PTPRD: variants seen among roughly 807,000 people sequenced by gnomAD.
The protein encoded by PTPRD is protein tyrosine phosphatase receptor type D.
Under a neutral mutation model 214.5 loss-of-function variants are expected in PTPRD, and 34 were observed. The observed-to-expected ratio is 0.16, with a 90% CI of 0.12 to 0.21. The LOEUF (loss-of-function observed/expected upper bound fraction) is 0.21. PTPRD is among the 10% of genes least tolerant of loss of function. The probability of loss-of-function intolerance (pLI) is 1.00; values close to 1 mark genes in which losing one functional copy is unlikely to be tolerated. For missense variants in PTPRD, 2,545 were observed against 2,398.7 expected, an observed-to-expected ratio of 1.06 and a Z score of -1.27; for synonymous variants, 1,128 against 845.7, an observed-to-expected ratio of 1.33 and a Z score of -5.79.
intron 9 of PTPRD, among the ~76,000 whole-genome samples, chr9:9,302,418 T>A (rs1441212971): frequency 6.6e-6 from 1 of 151,796 alleles, no homozygotes; most frequent in Non-Finnish European, 1.5e-5. Context: ...CAGCTGCATA[T>A]GCAAAACCAC....
chr9:9,750,220 A>G (rs2098503317), intron 6 of PTPRD, among the ~76,000 whole-genome samples: 2 of 152,192 alleles, frequency 1.3e-5, no homozygotes, highest in African/African-American at 2.4e-5. Flanking sequence ...TTATTCTAGC[A>G]ATTATATACT....
chr9:8,987,542 C>T (rs554139514), intron 11 of PTPRD, among the ~76,000 whole-genome samples: 2 of 152,086 alleles, frequency 1.3e-5, no homozygotes, highest in South Asian at 2.1e-4. Context: ...ACCCAATCAC[C>T]AAAATTTTTG....
intron 10 of PTPRD, among the ~76,000 whole-genome samples, chr9:9,089,637 A>G (rs904950638): frequency 1.3e-5 from 2 of 152,146 alleles, no homozygotes; most frequent in African/African-American, 4.8e-5. Context: ...TCTAAATAAA[A>G]TCCTGCTTGC....
rs533838453 is a variant in PTPRD at position 10,095,687 on chromosome 9, G to C, written c.-544-61897C>G. 9.4e-4 allele frequency among the ~76,000 whole-genome samples: 143 copies of C among 151,552 alleles called. 1 individual carries two copies. In the Middle Eastern group the frequency reaches 0.014, roughly 15 times the overall value. On this transcript the variant is annotated intron_variant, in intron 3 of 45. Transcript: ENST00000381196. The stretch of plus-strand genomic sequence containing the variant: ...TAATCTGAAACAGTTAAACTTCAAA[G>C]TCATTATGTGTTACATGATAATTAG...
At chr9:9,568,198 G>A (rs1368746967) in intron 8 of PTPRD, among the ~76,000 whole-genome samples, 1 of 151,772 alleles carries the variant, frequency 6.6e-6, no homozygotes, top group East Asian at 1.9e-4. Context: ...GTTATTTGTG[G>A]CTCAAAGCAT....
intron 11 of PTPRD, among the ~76,000 whole-genome samples, chr9:8,755,060 G>C (rs752151549): frequency 6.6e-6 from 1 of 152,104 alleles, no homozygotes; most frequent in Non-Finnish European, 1.5e-5. Flanking sequence ...ACCAGTACAT[G>C]TTGGGAAGGT....
At chr9:8,322,735 T>TA (rs1376738636) in intron 44 of PTPRD, among the ~76,000 whole-genome samples, 2 of 152,118 alleles carry the variant, frequency 1.3e-5, no homozygotes, top group African/African-American at 2.4e-5. Flanking sequence ...GTGGCTACAT[T>TA]AAAAAAGAGA....
At chr9:8,489,718 A>C (rs2097110422) in intron 27 of PTPRD, among the ~76,000 whole-genome samples, 1 of 152,222 alleles carries the variant, frequency 6.6e-6, no homozygotes. Context: ...TCAGGATAGG[A>C]TAAAAAAGGG....
intron 11 of PTPRD, among the ~76,000 whole-genome samples, chr9:8,813,661 C>T (rs900617367): frequency 1.3e-5 from 2 of 152,336 alleles, no homozygotes; most frequent in Non-Finnish European, 1.5e-5. Flanking sequence ...GTACGAGCCA[C>T]CGCGCCGGGC....
intron 9 of PTPRD, among the ~76,000 whole-genome samples, chr9:9,240,211 A>G (rs2099969676): frequency 6.6e-6 from 1 of 152,166 alleles, no homozygotes; most frequent in Non-Finnish European, 1.5e-5. Flanking sequence ...GGTATTCTGA[A>G]ACTTTAAAGT....
chr9:8,642,337 C>G (rs921604610), intron 12 of PTPRD, among the ~76,000 whole-genome samples: 2 of 152,110 alleles, frequency 1.3e-5, no homozygotes, highest in African/African-American at 2.4e-5. Flanking sequence ...TTTCTTTTAA[C>G]TGATTAACAT....
At chr9:8,732,065 C>T (rs2098665487) in intron 12 of PTPRD, among the ~76,000 whole-genome samples, 1 of 152,156 alleles carries the variant, frequency 6.6e-6, no homozygotes, top group African/African-American at 2.4e-5. Context: ...GACTACACAG[C>T]ATAAGAAGTG....
At chr9:10,600,382 G>A (rs7874590) in intron 2 of PTPRD, among the ~76,000 whole-genome samples, 3 of 151,472 alleles carry the variant, frequency 2.0e-5, no homozygotes, top group Non-Finnish European at 4.4e-5. Context: ...TGTACAATGC[G>A]TGCCACAAGC....
intron 2 of PTPRD, among the ~76,000 whole-genome samples, chr9:10,352,065 C>T (rs890847094): frequency 3.3e-5 from 5 of 151,938 alleles, no homozygotes; most frequent in East Asian, 3.9e-4. Context: ...AATAAAGTGG[C>T]TTCTTATTCA....
At chr9:10,564,287 T>C (rs2064980414) in intron 2 of PTPRD, among the ~76,000 whole-genome samples, 2 of 145,998 alleles carry the variant, frequency 1.4e-5, no homozygotes, top group Non-Finnish European at 3.0e-5. Context: ...ATTGCTGGGA[T>C]TACAGGCACG....
intron 27 of PTPRD, among the ~76,000 whole-genome samples, chr9:8,489,022 T>C (rs978710528): frequency 2.6e-5 from 4 of 152,226 alleles, no homozygotes; most frequent in Non-Finnish European, 5.9e-5. Flanking sequence ...CACGTAAAGC[T>C]AGGATAAATA....
chr9:8,896,360 A>G (rs73640961), intron 11 of PTPRD, among the ~76,000 whole-genome samples: 9,602 of 152,254 alleles, frequency 0.063, 1,012 homozygotes, highest in African/African-American at 0.22. Context: ...GCTTAAAATA[A>G]TACAGAAGAA....
At chr9:9,498,054 T>C (rs1002053805) in intron 8 of PTPRD, among the ~76,000 whole-genome samples, 2 of 152,152 alleles carry the variant, frequency 1.3e-5, no homozygotes, top group East Asian at 3.9e-4. Context: ...AAGGGATCTT[T>C]AAGTGTTTTA....
intron 10 of PTPRD, among the ~76,000 whole-genome samples, chr9:9,098,342 C>T (rs1044752042): frequency 5.3e-5 from 8 of 152,170 alleles, no homozygotes; most frequent in Admixed American, 2.6e-4. Context: ...CTGCAGCCTC[C>T]GTCTACTGGG....
Sources: gnomAD v4.1 joint callset for allele counts (sites outside exome capture counted in the v4.1 genomes callset) on GRCh38, gnomAD v4.1.1 for gene constraint, MANE v1.5 for transcripts, NCBI Gene and HGNC (gene_info 2026-07-23, HGNC 2026-07-21) for gene names.